The following MLLT6 variants were observed in gnomAD, a reference collection of about 807,000 sequenced individuals.
MLLT6 encodes the protein protein AF-17.
MLLT6 carries 22 observed loss-of-function variants against 103.0 expected under a neutral mutation model. The observed-to-expected ratio is 0.21, with a 90% CI of 0.15 to 0.31. The LOEUF (loss-of-function observed/expected upper bound fraction) is 0.31. Among genes scored for constraint, MLLT6 ranks in the 10% least tolerant of loss-of-function variants. MLLT6 has a pLI of 1.00. For synonymous variants in MLLT6, 606 were observed against 623.5 expected (o/e 0.97, Z 0.42); for missense variants, 1,199 against 1,441.7 (o/e 0.83, Z 2.73).
At chr17:38,706,885 C>T (rs1314356283) in intron 1 of MLLT6, 65 bp from the exon 2 acceptor site, 25 of 1,413,470 alleles carry the variant, frequency 1.8e-5, no homozygotes, top group Non-Finnish European at 2.4e-5. Context: ...CGCCTTCCCC[C>T]AGTTACCCTG....
Position 38,709,870 on chromosome 17 carries a change from A to G in MLLT6, c.552+295A>G, listed in dbSNP as rs1309419477. Among the ~76,000 whole-genome samples, 1 of 152,208 alleles carries G rather than the reference A, an allele frequency of 6.6e-6. No individual in the cohort carries two copies. The highest frequency in any genetic ancestry group is 1.5e-5 in the Non-Finnish European group (1 of 68,038). On this transcript the variant is annotated intron_variant, in intron 6 of 19. Transcript: ENST00000621332. This position sits in a 1 kb window ranked among gnomAD's most constrained non-coding sequence, Gnocchi z 4.3. ...TTAAGCTGAGTGGAGGTGGAAATCAAAGTAAGAGCCAACATTTGTGTGGGA... is the reference window on the plus strand; with the variant it reads ...TTAAGCTGAGTGGAGGTGGAAATCAGAGTAAGAGCCAACATTTGTGTGGGA...
rs766079681 is a variant in MLLT6 at position 38,724,842 on chromosome 17, A to T, written c.3106A>T (p.Thr1036Ser). 1.3e-5 allele frequency: 21 copies of T among 1,588,266 alleles called. No homozygotes were observed. The South Asian group carries it at 2.3e-4, about 17-fold the overall frequency. ...ALVAPSLGNN[T>S]SLMAAAAAAA... ...AGTGGCTCCCTCGCTTGGCAACAAC[A>T]CAAGTCTCATGGCCGCAGCAGCTGC... The change falls in exon 19 of 20, where the codon ACA becomes TCA. Residue 1036 changes from threonine (T) to serine (S), a missense_variant. By Grantham distance (58) the Thr-to-Ser change is moderately conservative. Transcript: ENST00000621332. This position sits in a 1 kb window ranked among gnomAD's most constrained non-coding sequence, Gnocchi z 5.4.
At chr17:38,723,742 CTT>C (rs575998138) in intron 18 of MLLT6, among the ~76,000 whole-genome samples, 25 of 137,510 alleles carry the variant, frequency 1.8e-4, no homozygotes, top group Middle Eastern at 3.7e-3. Flanking sequence ...GAATTGAAAA[CTT>C]TTTTTTTTTT....
At chr17:38,720,923 G>A in intron 16 of MLLT6, 176 bp downstream of exon 16, 1 of 638,396 alleles carries the variant, frequency 1.6e-6, no homozygotes, top group Admixed American at 2.8e-5. Context: ...CTTAGTGCCA[G>A]CCATTGGCTA....
chr17:38,722,937 A>G (rs1407098409), intron 18 of MLLT6, among the ~76,000 whole-genome samples, 169 bp downstream of exon 18: 1 of 151,946 alleles, frequency 6.6e-6, no homozygotes, highest in Non-Finnish European at 1.5e-5. Flanking sequence ...CATGGCAGGT[A>G]AGGGGGATAA....
In MLLT6 at chr17:38,712,630, C is replaced by G. The variant is rs1287132276; in HGVS notation, c.721-61C>G. On this transcript the variant is annotated intron_variant, in intron 7 of 19. Coordinates refer to ENST00000621332, the MANE Select transcript of MLLT6 (RefSeq NM_005937.4). ...GTGTCAGCTCCCCATACCCACATGT[C>G]ATGTTTGTCCTCGCCCAGACAGCCC... 3 of 1,105,570 alleles carry G rather than the reference C, an allele frequency of 2.7e-6. No individual in the cohort carries two copies. In the African/African-American group the frequency reaches 4.6e-5, roughly 17 times the overall value. The allele number at this position is 1,105,570 out of a possible 1,614,324, so 68.5% of individuals were successfully genotyped here.
chr17:38,711,251 G>A (rs763657842), intron 6 of MLLT6, among the ~76,000 whole-genome samples: 1 of 152,114 alleles, frequency 6.6e-6, no homozygotes, highest in Non-Finnish European at 1.5e-5. Flanking sequence ...GCTGGGAGGA[G>A]ACGCAGCATG....
intron 4 of MLLT6, among the ~76,000 whole-genome samples, chr17:38,708,844 G>A (rs575040114): frequency 6.6e-6 from 1 of 152,228 alleles, no homozygotes; most frequent in South Asian, 2.1e-4. Flanking sequence ...GTTGCAGTGA[G>A]CCGAGATCGT....
chr17:38,720,288 G>A, intron 14 of MLLT6, 84 bp from the exon 15 acceptor site: 1 of 1,311,010 alleles, frequency 7.6e-7, no homozygotes, highest in Non-Finnish European at 1.0e-6. Flanking sequence ...CTGAGCACTG[G>A]CTCCCCTCCA....
rs1904980998 is a variant in MLLT6 at position 38,707,481 on chromosome 17, G to A, written c.190-5G>A. On this transcript the variant is annotated splice_polypyrimidine_tract_variant and splice_region_variant and intron_variant, in intron 2 of 19. Transcript: ENST00000621332. ...CCCAACCCCTGTGCACTCTTGCATT[G>A]GCAGAGGTGTGAGCTGTGCCCACAC... 1 of 1,614,138 alleles carries A rather than the reference G, an allele frequency of 6.2e-7. No homozygotes were observed.
At position 38,720,536 on chromosome 17, in the gene MLLT6, C is replaced by G. The variant is rs1317965918; in HGVS notation, c.2320C>G (p.Pro774Ala). 1 of 1,612,194 alleles carries G rather than the reference C, an allele frequency of 6.2e-7. No homozygotes were observed. Among genetic ancestry groups the G allele is most frequent in the Non-Finnish European group, 8.5e-7 (1 of 1,179,648 alleles). Residue 774 changes from proline (P) to alanine (A), a missense_variant, in exon 15 of 20, where the codon CCT becomes GCT. This residue lies in a region of MLLT6 where 1,034 missense variants were observed against 1,091.5 expected (regional missense o/e 0.95). Transcript: ENST00000621332. ...TGCTGCCCTGCCTGCCGCCAACGGCCCTGTCCCTGGGCCCTATGGCCTGCC... is the reference window on the plus strand; with the variant it reads ...TGCTGCCCTGCCTGCCGCCAACGGCGCTGTCCCTGGGCCCTATGGCCTGCC... ...LPAALPAANG[P>A]VPGPYGLPPQ... is the part of the protein sequence containing the mutation.
chr17:38,715,984 C>T (rs1017895966), intron 9 of MLLT6, 156 bp downstream of exon 9: 9 of 703,044 alleles, frequency 1.3e-5, no homozygotes, highest in Non-Finnish European at 2.1e-5. Context: ...AAACCTGCCC[C>T]CAAACCCTTC....
intron 2 of MLLT6, among the ~76,000 whole-genome samples, chr17:38,707,283 T>A (rs1904972208): frequency 6.6e-6 from 1 of 152,220 alleles, no homozygotes; most frequent in South Asian, 2.1e-4. Context: ...CCTACTCATA[T>A]GAAAGTAAAG....
Position 38,707,041 on chromosome 17 carries a change from ACTGC to A in MLLT6, c.189+14_189+17del. On this transcript the variant is annotated intron_variant, in intron 2 of 19. Coordinates refer to ENST00000621332, the MANE Select transcript of MLLT6 (RefSeq NM_005937.4). ...GAGCAGCCAGGGTGGTGAGTTCCAG[ACTGC>A]CCCTCTCCACTCCCCTGCCCCTCCC... 1 of 1,607,168 alleles carries A rather than the reference ACTGC, an allele frequency of 6.2e-7. No homozygotes were observed. Among genetic ancestry groups the A allele is most frequent in the Non-Finnish European group, 8.5e-7 (1 of 1,174,636 alleles).
chr17:38,712,346 C>G (rs760558993), intron 7 of MLLT6, among the ~76,000 whole-genome samples: 2 of 152,194 alleles, frequency 1.3e-5, no homozygotes, highest in Non-Finnish European at 2.9e-5. Flanking sequence ...TGCATTCCCT[C>G]GCGCCACATA....
chr17:38,708,543 C>T (rs1905026207), intron 4 of MLLT6, among the ~76,000 whole-genome samples: 1 of 152,168 alleles, frequency 6.6e-6, no homozygotes, highest in African/African-American at 2.4e-5. Flanking sequence ...GCTAACCATC[C>T]AAGGACTGTG....
chr17:38,722,201 G>A lies in MLLT6; in HGVS notation c.2766G>A (p.Thr922=), dbSNP rs943626887. 7 of 1,364,218 alleles carry A rather than the reference G, an allele frequency of 5.1e-6. No homozygotes were observed. Among genetic ancestry groups the A allele is most frequent in the Non-Finnish European group, 4.7e-6 (5 of 1,063,816 alleles). The allele number at this position is 1,364,218 out of a possible 1,614,324, so 84.5% of individuals were successfully genotyped here. A position where few individuals can be genotyped will look rare whatever the true frequency, so the allele number is the denominator to read the frequency against. Residue 922 remains threonine, a synonymous_variant, in exon 17 of 20, where the codon ACG becomes ACA. Coordinates refer to ENST00000621332, the MANE Select transcript of MLLT6 (RefSeq NM_005937.4). ...ASLSQAGGAP[T]LQLPGCLNSL... ...TGAGCCAGGCTGGCGGGGCCCCCAC[G>A]CTGCAGCTGCCAGGCTGTCTCAACA...
chr17:38,726,032 G>A lies in MLLT6; in HGVS notation c.*434G>A, dbSNP rs1420351184. 4.0e-6 allele frequency: 1 copy of A among 247,388 alleles called. No individual in the cohort carries two copies. Among genetic ancestry groups the A allele is most frequent in the Non-Finnish European group, 7.8e-6 (1 of 127,806 alleles). 15.3% of individuals were successfully genotyped at this position (247,388 alleles called of 1,614,324 possible). ...CGGGGAAATCTTTTATGGAAGAAGG[G>A]CTGGACCCACTTTACCTGCAGTTTC... On this transcript the variant is annotated 3_prime_UTR_variant, in exon 20 of 20. Coordinates refer to ENST00000621332, the MANE Select transcript of MLLT6 (RefSeq NM_005937.4).
At chr17:38,708,574 C>T (rs751473067) in intron 4 of MLLT6, among the ~76,000 whole-genome samples, 1 of 152,172 alleles carries the variant, frequency 6.6e-6, no homozygotes, top group Non-Finnish European at 1.5e-5. Flanking sequence ...TAGTAGCCAT[C>T]GGCCACACGT....
Sources: gnomAD v4.1 joint callset for allele counts (sites outside exome capture counted in the v4.1 genomes callset) on GRCh38, gnomAD v4.1.1 for gene constraint, gnomAD v4.1.1 regional missense constraint, Gnocchi (gnomAD v3.1) non-coding constraint, MANE v1.5 for transcripts, NCBI Gene and HGNC (gene_info 2026-07-23, HGNC 2026-07-21) for gene names.